Variants in HPS1 observed in about 807,000 individuals in gnomAD.
HPS1 encodes the protein BLOC-3 complex member HPS1.
A neutral mutation model predicts 90.6 loss-of-function variants in HPS1; 59 were observed. The ratio of observed to expected loss-of-function variants is 0.65; its 90% CI spans 0.53 to 0.81. HPS1 has a LOEUF of 0.81. Ranked by LOEUF, HPS1 falls within the 30% of genes least tolerant of loss-of-function variation. The pLI is 0.00. For synonymous variants in HPS1, 388 were observed against 384.4 expected, an observed-to-expected ratio of 1.01 and a Z score of -0.11; for missense variants, 849 against 896.7, an observed-to-expected ratio of 0.95 and a Z score of 0.68.
rs1476680028 is a variant in HPS1, at chr10:98,433,288, A to T, written c.507+695T>A. 6.6e-5 allele frequency among the ~76,000 whole-genome samples: 10 copies of T among 152,016 alleles called. No individual in the cohort carries two copies. In the East Asian group the frequency reaches 1.9e-3, roughly 29 times the overall value. Reference sequence around the variant, plus strand: ...TAGAGCCCCCATCCCAGACTCGCTAAATGAGAAAAGCTGAAAGTGAGGCCC... The same window carrying T: ...TAGAGCCCCCATCCCAGACTCGCTATATGAGAAAAGCTGAAAGTGAGGCCC... On this transcript the variant is annotated intron_variant, in intron 6 of 19. Coordinates refer to ENST00000361490, the MANE Select transcript of HPS1 (RefSeq NM_000195.5).
At position 98,433,969 on chromosome 10, in the gene HPS1, C is replaced by T. The variant is rs367821874; in HGVS notation, c.507+14G>A. ...CAGCTTCAAGTCCTGAGGACTCCCG[C>T]GCCCAGTAGTCACCTCCACGGCGAA... On this transcript the variant is annotated intron_variant, in intron 6 of 19. Coordinates refer to ENST00000361490, the MANE Select transcript of HPS1 (RefSeq NM_000195.5). 1.7e-5 allele frequency: 27 copies of T among 1,553,146 alleles called. No individual in the cohort carries two copies. Among genetic ancestry groups the T allele is most frequent in the Admixed American group, 9.8e-5 (5 of 51,198 alleles).
In HPS1 at chr10:98,417,580, C is replaced by G. The variant is rs759163020; in HGVS notation, c.2087G>C (p.Arg696Pro). Reference sequence around the variant, plus strand: ...CACCTTGGCCTAGAGCAGGGGGATACGGGAGGCCTCCCAGAGGCGCCGGGC... The same window carrying G: ...CACCTTGGCCTAGAGCAGGGGGATAGGGGAGGCCTCCCAGAGGCGCCGGGC... ...QLARRLWEAS[R>P]IPLL is the part of the protein sequence containing the mutation. Residue 696 changes from arginine (R) to proline (P), a missense_variant, in exon 20 of 20, where the codon CGT becomes CCT. Coordinates refer to ENST00000361490, the MANE Select transcript of HPS1 (RefSeq NM_000195.5). The surrounding 1 kb of genome is among the most constrained non-coding windows in gnomAD (Gnocchi z 4.2). The G allele has an allele frequency of 1.2e-6, 2 of 1,611,064 alleles. No homozygotes were observed. The highest frequency in any genetic ancestry group is 1.7e-6 in the Non-Finnish European group (2 of 1,179,232).
downstream of HPS1, chr10:98,416,081 T>C (rs1013615265): frequency 5.3e-5 from 8 of 152,308 alleles, no homozygotes; most frequent in Admixed American, 3.3e-4. Context: ...GGAAACCTGC[T>C]ATTGGTAACG....
At chr10:98,418,133 A>G (rs1157269611) in intron 19 of HPS1, 42 bp downstream of exon 19, 2 of 1,344,050 alleles carry the variant, frequency 1.5e-6, no homozygotes, top group African/African-American at 1.4e-5. Context: ...TTATCACCCA[A>G]ATGGGGGCAT....
chr10:98,436,917 G>A (rs541677735), intron 3 of HPS1, among the ~76,000 whole-genome samples: 25 of 152,324 alleles, frequency 1.6e-4, no homozygotes, highest in African/African-American at 6.0e-4. Context: ...AGGTTTTCCT[G>A]CCAACATTCG....
At chr10:98,438,064 G>A (rs761941785) in intron 3 of HPS1, among the ~76,000 whole-genome samples, 4 of 152,154 alleles carry the variant, frequency 2.6e-5, no homozygotes, top group Non-Finnish European at 2.9e-5. Flanking sequence ...CTTCCACCAC[G>A]ACTGTAAGTT....
At chr10:98,418,783 T>C (rs1591011395) in intron 18 of HPS1, among the ~76,000 whole-genome samples, 1 of 152,212 alleles carries the variant, frequency 6.6e-6, no homozygotes, top group Non-Finnish European at 1.5e-5. Context: ...CCGGCTGGGC[T>C]GTGTGGCTGG....
chr10:98,429,773 G>A lies in HPS1; in HGVS notation c.867+18C>T, dbSNP rs369762651. 9.3e-6 allele frequency: 15 copies of A among 1,613,694 alleles called. No homozygotes were observed. The highest frequency in any genetic ancestry group is 1.3e-5 in the Non-Finnish European group (15 of 1,179,762). On this transcript the variant is annotated intron_variant, in intron 9 of 19. Transcript: ENST00000361490. ...GATCCCCTCCTGCCCCTGACTCCAC[G>A]AAGTGCACAGCACACACCGTCTCTG...
intron 16 of HPS1, among the ~76,000 whole-genome samples, chr10:98,423,287 C>CCT (rs1044270381): frequency 1.3e-5 from 2 of 148,852 alleles, no homozygotes; most frequent in African/African-American, 5.0e-5. Flanking sequence ...GAACCCCCCC[C>CCT]CCGGTCCCCA....
downstream of HPS1, chr10:98,414,410 A>AG (rs5787284): frequency 0.36 from 55,028 of 151,980 alleles, 11,105 homozygotes; most frequent in African/African-American, 0.53. Context: ...AAAGTGTGGC[A>AG]GATCACTGCA....
downstream of HPS1, chr10:98,415,062 G>A (rs61738534): frequency 9.9e-4 from 1,605 of 1,613,982 alleles, 13 homozygotes; most frequent in African/African-American, 0.019. Context: ...CCTGGCTTCC[G>A]TGTTATCTCG....
At chr10:98,424,658 C>A (rs928446746) in intron 13 of HPS1, among the ~76,000 whole-genome samples, 2 of 152,164 alleles carry the variant, frequency 1.3e-5, no homozygotes, top group East Asian at 1.9e-4. Flanking sequence ...ACCAGGCCAG[C>A]CCCTCGGGGT....
At chr10:98,438,343 T>C (rs994082260) in intron 3 of HPS1, among the ~76,000 whole-genome samples, 5 of 152,220 alleles carry the variant, frequency 3.3e-5, no homozygotes, top group African/African-American at 7.2e-5. Context: ...CAGAGACTCA[T>C]TGAATGCTTT....
At chr10:98,436,767 T>C (rs1371676598) in intron 3 of HPS1, among the ~76,000 whole-genome samples, 3 of 152,152 alleles carry the variant, frequency 2.0e-5, no homozygotes, top group African/African-American at 7.2e-5. Context: ...GAATGAAATA[T>C]GGGGAAGGCA....
chr10:98,422,864 C>A (rs963948636), intron 16 of HPS1, among the ~76,000 whole-genome samples: 2 of 152,220 alleles, frequency 1.3e-5, no homozygotes, highest in Non-Finnish European at 1.5e-5. Context: ...GTGAGCCTAG[C>A]TGACTGCCCA....
rs1939385616 is a variant in HPS1 at position 98,445,735 on chromosome 10, A to C, written c.-105-331T>G. 6.6e-6 allele frequency among the ~76,000 whole-genome samples: 1 copy of C among 152,210 alleles called. No individual in the cohort carries two copies. The highest frequency in any genetic ancestry group is 1.5e-5 in the Non-Finnish European group (1 of 68,030). ...TTGCTAGGAGTGACTGACGGGAGAC[A>C]GCATAGCACATCCCAGGTGGTGAGG... On this transcript the variant is annotated intron_variant, in intron 1 of 19. Transcript: ENST00000361490. The surrounding 1 kb of genome is among the most constrained non-coding windows in gnomAD (Gnocchi z 4.5).
In HPS1 at chr10:98,435,763, G is replaced by C. The variant is rs1323959920; in HGVS notation, c.127C>G (p.Leu43Val). 1 of 1,614,218 alleles carries C rather than the reference G, an allele frequency of 6.2e-7. No individual in the cohort carries two copies. Among genetic ancestry groups the C allele is most frequent in the Non-Finnish European group, 8.5e-7 (1 of 1,180,032 alleles). The change falls in exon 4 of 20, where the codon CTG (leucine) becomes GTG (valine). Residue 43 changes from leucine (L) to valine (V), a missense_variant. Physicochemically the swap from Leu to Val is conservative, Grantham distance 32. Transcript: ENST00000361490. This position sits in a 1 kb window ranked among gnomAD's most constrained non-coding sequence, Gnocchi z 4.3. ...SENEEEELPALEDQLSTLLAP... is the reference protein window; with the variant it reads ...SENEEEELPAVEDQLSTLLAP... ...AGGAGGGTGCTGAGCTGGTCCTCCAGGGCAGGGAGCTGCAAAAATGGGGGA... is the reference window on the plus strand; with the variant it reads ...AGGAGGGTGCTGAGCTGGTCCTCCACGGCAGGGAGCTGCAAAAATGGGGGA...
chr10:98,433,465 G>A (rs1488922846), intron 6 of HPS1, among the ~76,000 whole-genome samples: 2 of 152,126 alleles, frequency 1.3e-5, no homozygotes, highest in Non-Finnish European at 2.9e-5. Flanking sequence ...TAATTTTTTA[G>A]TTTTTTATTT....
At chr10:98,427,407 G>A in intron 10 of HPS1, 143 bp from the exon 11 acceptor site, 1 of 687,654 alleles carries the variant, frequency 1.5e-6, no homozygotes, top group Non-Finnish European at 2.6e-6. Context: ...TAATGTGGCT[G>A]GGGCAACACC....
Sources: gnomAD v4.1 joint callset for allele counts (sites outside exome capture counted in the v4.1 genomes callset) on GRCh38, gnomAD v4.1.1 for gene constraint, Gnocchi (gnomAD v3.1) non-coding constraint, MANE v1.5 for transcripts, NCBI Gene and HGNC (gene_info 2026-07-23, HGNC 2026-07-21) for gene names.